FHIT: variants seen among roughly 807,000 people sequenced by gnomAD.
The protein encoded by FHIT is fragile histidine triad diadenosine triphosphatase, also known as bis(5'-adenosyl)-triphosphatase.
FHIT carries 19 observed loss-of-function variants against 17.9 expected under a neutral mutation model. The observed-to-expected ratio is 1.06, with a 90% CI of 0.74 to 1.56. FHIT has a LOEUF of 1.56. Among genes scored for constraint, FHIT ranks in the 40% most tolerant of loss-of-function variants. The pLI is 0.00. For synonymous variants in FHIT, 81 were observed against 69.7 expected (o/e 1.16, Z -0.81); for missense variants, 248 against 189.2 (o/e 1.31, Z -1.82).
chr3:60,180,295 G>A (rs939834515), intron 5 of FHIT, among the ~76,000 whole-genome samples: 1 of 152,140 alleles, frequency 6.6e-6, no homozygotes, highest in African/African-American at 2.4e-5. Context: ...AACCCAACTT[G>A]TGCTTATGCT....
chr3:59,842,867 T>C (rs1299010400), intron 8 of FHIT, among the ~76,000 whole-genome samples: 1 of 152,192 alleles, frequency 6.6e-6, no homozygotes, highest in Non-Finnish European at 1.5e-5. Context: ...GTTGCCTTTT[T>C]ACTATACTGA....
At chr3:61,220,292 G>A (rs1419160879) in intron 1 of FHIT, among the ~76,000 whole-genome samples, 3 of 152,182 alleles carry the variant, frequency 2.0e-5, no homozygotes, top group African/African-American at 7.2e-5. Context: ...AAACCAGGCA[G>A]TTGGAAAACA....
intron 4 of FHIT, among the ~76,000 whole-genome samples, chr3:60,582,041 C>G (rs539818911): frequency 6.6e-6 from 1 of 151,946 alleles, no homozygotes; most frequent in African/African-American, 2.4e-5. Flanking sequence ...AAGTGTGCTT[C>G]AAAACCTAAG....
intron 4 of FHIT, among the ~76,000 whole-genome samples, chr3:60,569,751 A>ATT (rs1272456475): frequency 7.2e-4 from 50 of 69,758 alleles, no homozygotes; most frequent in South Asian, 2.8e-3. Context: ...ATATATATAT[A>ATT]TATATTTTTT....
At chr3:60,781,388 T>C (rs1410595527) in intron 4 of FHIT, among the ~76,000 whole-genome samples, 3 of 151,994 alleles carry the variant, frequency 2.0e-5, no homozygotes, top group Admixed American at 6.6e-5. Flanking sequence ...TGGACACTCA[T>C]GAAGAAACTA....
At chr3:60,984,130 GC>G (rs1364741396) in intron 3 of FHIT, among the ~76,000 whole-genome samples, 7 of 152,280 alleles carry the variant, frequency 4.6e-5, no homozygotes, top group South Asian at 2.1e-4. Flanking sequence ...TCAAATGACA[GC>G]TTTTCCAGAA....
At chr3:60,702,942 T>C (rs2041283050) in intron 4 of FHIT, among the ~76,000 whole-genome samples, 2 of 152,216 alleles carry the variant, frequency 1.3e-5, no homozygotes, top group Non-Finnish European at 1.5e-5. Context: ...ATCACATTTC[T>C]TATCAGTATG....
intron 5 of FHIT, among the ~76,000 whole-genome samples, chr3:60,195,553 A>ATATATATT (rs1553709042): frequency 6.3e-4 from 86 of 136,504 alleles, no homozygotes; most frequent in African/African-American, 2.0e-3. Flanking sequence ...TGTGATATAT[A>ATATATATT]TATATATTTA....
At chr3:60,462,425 G>T (rs185511763) in intron 5 of FHIT, among the ~76,000 whole-genome samples, 4 of 152,138 alleles carry the variant, frequency 2.6e-5, no homozygotes, top group African/African-American at 9.7e-5. Flanking sequence ...CCCAAACACT[G>T]TAAGAACCCA....
chr3:60,631,002 T>C (rs1553682309), intron 4 of FHIT, among the ~76,000 whole-genome samples: 1 of 151,070 alleles, frequency 6.6e-6, no homozygotes, highest in Non-Finnish European at 1.5e-5. Context: ...CTTTGCCCTC[T>C]TGGTATCAGC....
chr3:60,383,326 C>A (rs1700882010), intron 5 of FHIT, among the ~76,000 whole-genome samples: 1 of 152,046 alleles, frequency 6.6e-6, no homozygotes. Flanking sequence ...TTTTTAAAAT[C>A]ACTGGAAACT....
chr3:59,824,392 G>A (rs1700904260), intron 8 of FHIT, among the ~76,000 whole-genome samples: 1 of 152,260 alleles, frequency 6.6e-6, no homozygotes, highest in Non-Finnish European at 1.5e-5. Context: ...CTTGAGAACT[G>A]ATGTGTATAT....
intron 1 of FHIT, among the ~76,000 whole-genome samples, chr3:61,216,486 A>G (rs979268487): frequency 1.8e-4 from 28 of 152,242 alleles, no homozygotes; most frequent in South Asian, 4.1e-4. Flanking sequence ...TTAAAAAGTC[A>G]GGAAACAACA....
intron 5 of FHIT, among the ~76,000 whole-genome samples, chr3:60,112,850 A>G: frequency 6.6e-6 from 1 of 152,174 alleles, no homozygotes; most frequent in East Asian, 1.9e-4. Context: ...GAAGAAAAAA[A>G]TCTCTTTCCT....
chr3:60,253,303 A>T (rs1334946226), intron 5 of FHIT, among the ~76,000 whole-genome samples: 10 of 152,324 alleles, frequency 6.6e-5, no homozygotes, highest in Admixed American at 2.6e-4. Flanking sequence ...CGACATTGTA[A>T]AAAGGAGAAA....
intron 4 of FHIT, among the ~76,000 whole-genome samples, chr3:60,582,129 C>T (rs782205972): frequency 1.4e-4 from 21 of 152,038 alleles, no homozygotes; most frequent in Admixed American, 3.3e-4. Flanking sequence ...TTAAAAAATA[C>T]TGATGCCTAG....
intron 2 of FHIT, among the ~76,000 whole-genome samples, chr3:61,116,161 G>C (rs932661931): frequency 1.3e-5 from 2 of 151,788 alleles, no homozygotes; most frequent in African/African-American, 4.8e-5. Context: ...AATGACAAAA[G>C]CAAATGATCC....
intron 5 of FHIT, among the ~76,000 whole-genome samples, chr3:60,304,432 C>T (rs1708584016): frequency 6.6e-6 from 1 of 151,808 alleles, no homozygotes; most frequent in African/African-American, 2.4e-5. Flanking sequence ...TTACTAGATG[C>T]CAGGAAACAC....
At chr3:60,485,655 G>A (rs976520175) in intron 5 of FHIT, among the ~76,000 whole-genome samples, 1 of 151,848 alleles carries the variant, frequency 6.6e-6, no homozygotes, top group Non-Finnish European at 1.5e-5. Flanking sequence ...CCTGTTGGGG[G>A]TGGGGGGCAA....
Sources: gnomAD v4.1 joint callset for allele counts (sites outside exome capture counted in the v4.1 genomes callset) on GRCh38, gnomAD v4.1.1 for gene constraint, MANE v1.5 for transcripts, NCBI Gene and HGNC (gene_info 2026-07-23, HGNC 2026-07-21) for gene names.